The following NT5DC3 variants were observed in gnomAD, a reference collection of about 807,000 sequenced individuals.
The protein encoded by NT5DC3 is 5'-nucleotidase domain containing 3, also known as 5'-nucleotidase domain-containing protein 3.
In NT5DC3, 42 loss-of-function variants were observed where a neutral mutation model predicts 67.8. The ratio of observed to expected loss-of-function variants is 0.62; its 90% CI spans 0.48 to 0.80. The LOEUF (loss-of-function observed/expected upper bound fraction) is 0.80. Among genes scored for constraint, NT5DC3 ranks in the 30% least tolerant of loss-of-function variants. The pLI, the probability that NT5DC3 is intolerant of heterozygous loss-of-function variation, is 0.00. For synonymous variants in NT5DC3, 237 were observed against 255.6 expected (o/e 0.93, Z 0.69); for missense variants, 570 against 696.4 (o/e 0.82, Z 2.04).
chr12:103,815,247 G>A, intron 1 of NT5DC3, 126 bp from the exon 2 acceptor site: 1 of 607,012 alleles, frequency 1.6e-6, no homozygotes, highest in African/African-American at 1.9e-5. Flanking sequence ...ATATGCTGGT[G>A]AAGGAAGCCA....
chr12:103,820,161 T>C (rs1173242670), intron 1 of NT5DC3, among the ~76,000 whole-genome samples: 3 of 152,234 alleles, frequency 2.0e-5, no homozygotes, highest in African/African-American at 4.8e-5. Flanking sequence ...CAACAGGCCA[T>C]TGGGTTGCTT....
At chr12:103,761,978 T>C in the NT5DC3 span, among the ~76,000 whole-genome samples, 1 of 152,090 alleles carries the variant, frequency 6.6e-6, no homozygotes, top group Non-Finnish European at 1.5e-5. Context: ...CCAGACTGGG[T>C]TCAAAGCCCA....
chr12:103,814,721 T>G (rs532468967), intron 2 of NT5DC3, among the ~76,000 whole-genome samples: 2 of 152,332 alleles, frequency 1.3e-5, no homozygotes, highest in Admixed American at 1.3e-4. Flanking sequence ...ATGCACATCT[T>G]GGGAAGGTCT....
intron 4 of NT5DC3, among the ~76,000 whole-genome samples, chr12:103,803,859 A>ACCCCCCC (rs10652483): frequency 2.1e-5 from 3 of 139,650 alleles, no homozygotes; most frequent in Non-Finnish European, 3.1e-5. Flanking sequence ...ATTCATTACC[A>ACCCCCCC]CCCCCCCCCC....
the NT5DC3 span, chr12:103,753,347 C>A: frequency 6.2e-7 from 1 of 1,614,202 alleles, no homozygotes; most frequent in Non-Finnish European, 8.5e-7. Flanking sequence ...TCTCCTATGC[C>A]CAGAAGGTGG....
chr12:103,832,262 G>A (rs1262298425), intron 1 of NT5DC3, among the ~76,000 whole-genome samples: 1 of 151,880 alleles, frequency 6.6e-6, no homozygotes, highest in African/African-American at 2.4e-5. Context: ...GACGGTTAGA[G>A]GACATCTGTT....
intron 1 of NT5DC3, among the ~76,000 whole-genome samples, chr12:103,840,436 A>C (rs1474531605): frequency 6.7e-6 from 1 of 149,212 alleles, no homozygotes; most frequent in African/African-American, 2.5e-5. Flanking sequence ...ATCCCATTCC[A>C]TCCCATCCCA....
chr12:103,830,092 C>T (rs535101947), intron 1 of NT5DC3, among the ~76,000 whole-genome samples: 6 of 152,306 alleles, frequency 3.9e-5, no homozygotes, highest in South Asian at 2.1e-4. Flanking sequence ...GAACTTACTA[C>T]GCAATAGGCG....
chr12:103,760,702 A>C, the NT5DC3 span, among the ~76,000 whole-genome samples: 2 of 152,206 alleles, frequency 1.3e-5, no homozygotes, highest in African/African-American at 4.8e-5. Flanking sequence ...AGACATGCAG[A>C]GAGTAGTGCC....
the NT5DC3 span, chr12:103,759,386 C>A: frequency 7.0e-7 from 1 of 1,430,356 alleles, no homozygotes; most frequent in Admixed American, 2.4e-5. Flanking sequence ...AACTCTAAAC[C>A]TGCAGATAGG....
the NT5DC3 span, among the ~76,000 whole-genome samples, chr12:103,749,872 A>AAAAAAAAAAAAAAAAG: frequency 7.6e-6 from 1 of 131,480 alleles, no homozygotes; most frequent in Non-Finnish European, 1.6e-5. Context: ...AAAAAAAAAA[A>AAAAAAAAAAAAAAAAG]GCTGGTAAGA....
chr12:103,801,332 C>G (rs1401608022), intron 4 of NT5DC3, among the ~76,000 whole-genome samples: 3 of 149,014 alleles, frequency 2.0e-5, no homozygotes, highest in African/African-American at 7.5e-5. Context: ...AATTAAACCA[C>G]TAAGGTACAA....
chr12:103,806,290 C>G lies in NT5DC3; in HGVS notation c.524+32G>C, dbSNP rs762519133. The G allele has an allele frequency of 2.1e-6, 3 of 1,463,356 alleles. No homozygotes were observed. In the South Asian group the frequency reaches 3.4e-5, roughly 17 times the overall value. 90.6% of individuals were successfully genotyped at this position (1,463,356 alleles called of 1,614,324 possible). On this transcript the variant is annotated intron_variant, in intron 4 of 13. Coordinates refer to ENST00000392876, the MANE Select transcript of NT5DC3 (RefSeq NM_001031701.3). ...AAACCCAAAGCACCTGGTTACTTCA[C>G]GTAAATTAAATGTATCTCCTCTTAC... is the stretch of plus-strand genomic sequence containing the variant.
chr12:103,753,803 C>T, the NT5DC3 span, among the ~76,000 whole-genome samples: 5 of 152,172 alleles, frequency 3.3e-5, no homozygotes, highest in African/African-American at 9.7e-5. Context: ...ACCAGAAAGA[C>T]AGCAATACCC....
chr12:103,755,463 G>A, the NT5DC3 span: 1 of 1,613,748 alleles, frequency 6.2e-7, no homozygotes, highest in East Asian at 2.2e-5. Flanking sequence ...GCTATCGGAT[G>A]AAAGGTAACC....
chr12:103,791,080 T>C (rs1051958219), intron 9 of NT5DC3, among the ~76,000 whole-genome samples: 3 of 152,134 alleles, frequency 2.0e-5, no homozygotes, highest in Non-Finnish European at 4.4e-5. Context: ...TGTTAGGTTG[T>C]TTCTGACCTC....
chr12:103,798,050 A>AT (rs1305477330), intron 5 of NT5DC3, among the ~76,000 whole-genome samples: 4 of 152,218 alleles, frequency 2.6e-5, no homozygotes, highest in Non-Finnish European at 5.9e-5. Context: ...AAGTAGAATC[A>AT]TTGTAAGTCA....
chr12:103,795,966 C>T (rs1886294823), intron 6 of NT5DC3, among the ~76,000 whole-genome samples: 1 of 152,200 alleles, frequency 6.6e-6, no homozygotes, highest in Non-Finnish European at 1.5e-5. Flanking sequence ...ATTCAAGGAC[C>T]TGTTGCACAC....
At chr12:103,779,630 A>C (rs561470151) in intron 13 of NT5DC3, among the ~76,000 whole-genome samples, 2 of 152,264 alleles carry the variant, frequency 1.3e-5, no homozygotes, top group South Asian at 2.1e-4. Flanking sequence ...CACTGCTGAG[A>C]GGCCAGAATC....
Sources: gnomAD v4.1 joint callset for allele counts (sites outside exome capture counted in the v4.1 genomes callset) on GRCh38, gnomAD v4.1.1 for gene constraint, MANE v1.5 for transcripts, NCBI Gene and HGNC (gene_info 2026-07-23, HGNC 2026-07-21) for gene names.